The following GALNTL6 variants were observed in gnomAD, a reference collection of about 807,000 sequenced individuals.
GALNTL6 encodes polypeptide N-acetylgalactosaminyltransferase-like 6.
GALNTL6 carries 46 observed loss-of-function variants against 73.7 expected under a neutral mutation model. The ratio of observed to expected loss-of-function variants is 0.62; its 90% CI spans 0.49 to 0.80. GALNTL6 has a LOEUF of 0.80. Among genes scored for constraint, GALNTL6 ranks in the 30% least tolerant of loss-of-function variants. The pLI, the probability that GALNTL6 is intolerant of heterozygous loss-of-function variation, is 0.00. For synonymous variants in GALNTL6, 259 were observed against 263.7 expected, an observed-to-expected ratio of 0.98 and a Z score of 0.17; for missense variants, 604 against 755.0, an observed-to-expected ratio of 0.80 and a Z score of 2.34.
At chr4:172,753,974 T>A (rs1737588470) in intron 5 of GALNTL6, among the ~76,000 whole-genome samples, 1 of 152,124 alleles carries the variant, frequency 6.6e-6, no homozygotes, top group African/African-American at 2.4e-5. Flanking sequence ...AGAATAGATT[T>A]GGGTTGAATT....
At chr4:172,296,204 A>T (rs1020369977) in intron 3 of GALNTL6, among the ~76,000 whole-genome samples, 1 of 152,196 alleles carries the variant, frequency 6.6e-6, no homozygotes, top group Non-Finnish European at 1.5e-5. Context: ...TTTTACTCCA[A>T]TGAATATTTT....
intron 5 of GALNTL6, among the ~76,000 whole-genome samples, chr4:172,795,819 G>A (rs1348634821): frequency 6.6e-6 from 1 of 151,686 alleles, no homozygotes; most frequent in African/African-American, 2.4e-5. Flanking sequence ...GAAAATTACA[G>A]ATTCAGAAAA....
Position 172,322,807 on chromosome 4 carries a change from G to C in GALNTL6, c.386+11055G>C, listed in dbSNP as rs548082473. Among the ~76,000 whole-genome samples the C allele has an allele frequency of 2.6e-5, 4 of 151,786 alleles. No individual in the cohort carries two copies. In the South Asian group the frequency reaches 6.2e-4, roughly 24 times the overall value. Reference sequence around the variant, plus strand: ...AGATTATAATTCTACATGAGATTTGGGTGGGAACACAGTGCCAAATCATAT... The same window carrying C: ...AGATTATAATTCTACATGAGATTTGCGTGGGAACACAGTGCCAAATCATAT... On this transcript the variant is annotated intron_variant, in intron 4 of 12. Transcript: ENST00000506823.
intron 2 of GALNTL6, among the ~76,000 whole-genome samples, chr4:172,035,250 A>T (rs1741898598): frequency 6.6e-6 from 1 of 152,146 alleles, no homozygotes; most frequent in South Asian, 2.1e-4. Flanking sequence ...AGAATAATAG[A>T]CAAGTCCATA....
At chr4:172,186,929 T>C (rs528971145) in intron 2 of GALNTL6, among the ~76,000 whole-genome samples, 8 of 152,262 alleles carry the variant, frequency 5.3e-5, no homozygotes, top group South Asian at 2.1e-4. Context: ...TACATGAATT[T>C]TGCCTCAATC....
chr4:171,889,678 A>G (rs1736706452), intron 2 of GALNTL6, among the ~76,000 whole-genome samples: 1 of 152,080 alleles, frequency 6.6e-6, no homozygotes, highest in Non-Finnish European at 1.5e-5. Flanking sequence ...AAGTGATGAG[A>G]AAAAATGAGT....
At chr4:172,834,659 T>C (rs1208480709) in intron 7 of GALNTL6, among the ~76,000 whole-genome samples, 1 of 152,168 alleles carries the variant, frequency 6.6e-6, no homozygotes, top group African/African-American at 2.4e-5. Flanking sequence ...AAATGCACCC[T>C]TGGAGAGGGC....
At chr4:171,850,140 A>G (rs12499968) in intron 2 of GALNTL6, among the ~76,000 whole-genome samples, 82,168 of 151,910 alleles carry the variant, frequency 0.54, 23,987 homozygotes, top group Non-Finnish European at 0.64. Context: ...TAATTTTTGT[A>G]TTTGTATTTT....
At chr4:172,472,346 T>G (rs1368172346) in intron 5 of GALNTL6, among the ~76,000 whole-genome samples, 1 of 152,182 alleles carries the variant, frequency 6.6e-6, no homozygotes, top group Non-Finnish European at 1.5e-5. Context: ...ATATTTTGAC[T>G]CCTGAATCTG....
chr4:172,495,967 A>G (rs1734058222), intron 5 of GALNTL6, among the ~76,000 whole-genome samples: 1 of 152,246 alleles, frequency 6.6e-6, no homozygotes, highest in Non-Finnish European at 1.5e-5. Flanking sequence ...TGAGAACCTC[A>G]AAGCTTGCCA....
intron 2 of GALNTL6, among the ~76,000 whole-genome samples, chr4:171,977,254 A>G (rs763936636): frequency 6.6e-6 from 1 of 152,230 alleles, no homozygotes; most frequent in African/African-American, 2.4e-5. Flanking sequence ...TGAAAAGAAC[A>G]GTTAATGATG....
chr4:172,963,759 G>A (rs897658696), intron 10 of GALNTL6, among the ~76,000 whole-genome samples: 2 of 152,188 alleles, frequency 1.3e-5, no homozygotes, highest in Non-Finnish European at 1.5e-5. Flanking sequence ...TGACTCTCAG[G>A]TAACTGATTC....
chr4:172,032,145 G>C (rs1741789983), intron 2 of GALNTL6, among the ~76,000 whole-genome samples: 1 of 152,098 alleles, frequency 6.6e-6, no homozygotes, highest in Non-Finnish European at 1.5e-5. Flanking sequence ...GAATGAATAT[G>C]AAAGAAAGCT....
In GALNTL6 at chr4:172,028,380, C is replaced by T. The variant is rs180810905; in HGVS notation, c.139-201276C>T. Among the ~76,000 whole-genome samples the T allele has an allele frequency of 1.9e-3, 291 of 151,856 alleles. 3 individuals carry two copies. The highest frequency in any genetic ancestry group is 1.2e-3 in the Non-Finnish European group (81 of 67,902). On this transcript the variant is annotated intron_variant, in intron 2 of 12. Coordinates refer to ENST00000506823, the MANE Select transcript of GALNTL6 (RefSeq NM_001034845.3). ...TGGAATGAATTTTATAAGAAGTTAC[C>T]TTTGAGAAAAGAATTGATAAAATTG... is the stretch of plus-strand genomic sequence containing the variant.
At chr4:172,829,687 G>T (rs1742516340) in intron 7 of GALNTL6, among the ~76,000 whole-genome samples, 1 of 152,168 alleles carries the variant, frequency 6.6e-6, no homozygotes, top group Non-Finnish European at 1.5e-5. Context: ...TAGCCTTTAA[G>T]TAATAGATTT....
At chr4:172,489,439 TTA>T (rs1489623981) in intron 5 of GALNTL6, among the ~76,000 whole-genome samples, 1 of 152,244 alleles carries the variant, frequency 6.6e-6, no homozygotes, top group Non-Finnish European at 1.5e-5. Context: ...AATATGTATG[TTA>T]TATATATTCT....
chr4:172,568,034 A>G lies in GALNTL6; in HGVS notation c.553+219345A>G, dbSNP rs147453734. On this transcript the variant is annotated intron_variant, in intron 5 of 12. Coordinates refer to ENST00000506823, the MANE Select transcript of GALNTL6 (RefSeq NM_001034845.3). ...ATTCAGGAATTCTTAATTCACACCC[A>G]GAAGACTCATATTCAAGTCCTTGAT... Among the ~76,000 whole-genome samples, 338 of 152,354 alleles carry G rather than the reference A, an allele frequency of 2.2e-3. 1 individual carries two copies. Among genetic ancestry groups the G allele is most frequent in the African/African-American group, 7.8e-3 (324 of 41,590 alleles).
chr4:172,245,343 C>A (rs984214303), intron 3 of GALNTL6, among the ~76,000 whole-genome samples: 4 of 152,114 alleles, frequency 2.6e-5, no homozygotes, highest in African/African-American at 9.7e-5. Context: ...TCTTGAAATT[C>A]CATGAAGTTA....
rs146476406 is a variant in GALNTL6, at chr4:171,895,108, T to C, written c.138+80390T>C. 5.8e-4 allele frequency among the ~76,000 whole-genome samples: 88 copies of C among 152,340 alleles called. 1 individual carries two copies. Among genetic ancestry groups the C allele is most frequent in the Non-Finnish European group, 9.4e-4 (64 of 68,036 alleles). ...GTAGTGATGAATTTGGGGACTGTAA[T>C]GTCTACATGAGCTCCAACTAGACAT... On this transcript the variant is annotated intron_variant, in intron 2 of 12. Coordinates refer to ENST00000506823, the MANE Select transcript of GALNTL6 (RefSeq NM_001034845.3).
Sources: gnomAD v4.1 joint callset for allele counts (sites outside exome capture counted in the v4.1 genomes callset) on GRCh38, gnomAD v4.1.1 for gene constraint, MANE v1.5 for transcripts, NCBI Gene and HGNC (gene_info 2026-07-23, HGNC 2026-07-21) for gene names.